Variants in ANKRD44 observed in about 807,000 individuals in gnomAD.
The protein encoded by ANKRD44 is ankyrin repeat domain 44, also known as serine/threonine-protein phosphatase 6 regulatory ankyrin repeat subunit B.
ANKRD44 carries 35 observed loss-of-function variants against 116.0 expected under a neutral mutation model. That is an observed-to-expected ratio of 0.30 (90% CI 0.23 to 0.40). The LOEUF is 0.40. Ranked by LOEUF, ANKRD44 falls within the 10% of genes least tolerant of loss-of-function variation. The probability of loss-of-function intolerance (pLI) is 1.00; values close to 1 mark genes in which losing one functional copy is unlikely to be tolerated. For synonymous variants in ANKRD44, 435 were observed against 461.8 expected (o/e 0.94, Z 0.74); for missense variants, 1,014 against 1,242.6 (o/e 0.82, Z 2.77).
chr2:197,253,322 A>G (rs548825432), intron 1 of ANKRD44, among the ~76,000 whole-genome samples: 2 of 152,304 alleles, frequency 1.3e-5, no homozygotes, highest in African/African-American at 4.8e-5. Flanking sequence ...GACTGACATT[A>G]TCTCAGTCAT....
intron 1 of ANKRD44, among the ~76,000 whole-genome samples, chr2:197,197,178 T>G (rs1406020171): frequency 1.3e-5 from 2 of 152,136 alleles, no homozygotes; most frequent in African/African-American, 4.8e-5. Context: ...GGAAGCATCT[T>G]CTCATTTCCC....
rs2084235510 is a variant in ANKRD44, at chr2:197,310,750, C to T, written c.-146G>A. 2.6e-6 allele frequency: 2 copies of T among 776,808 alleles called. No homozygotes were observed. The highest frequency in any genetic ancestry group is 3.4e-6 in the Non-Finnish European group (2 of 594,354). 48.1% of individuals were successfully genotyped at this position (776,808 alleles called of 1,614,324 possible). A position where few individuals can be genotyped will look rare whatever the true frequency, so the allele number is the denominator to read the frequency against. The stretch of plus-strand genomic sequence containing the variant: ...AGCCCTCCCCCTGCTCCTCCTCCGC[C>T]GCCGCCTCCTCCCGCCGAGAGGCTG... On this transcript the variant is annotated 5_prime_UTR_variant, in exon 1 of 28. Coordinates refer to ENST00000282272, the MANE Select transcript of ANKRD44 (RefSeq NM_001195144.2).
intron 17 of ANKRD44, chr2:197,015,742 G>T (rs2076379433): frequency 3.7e-6 from 2 of 538,948 alleles, no homozygotes; most frequent in East Asian, 3.5e-5. Flanking sequence ...TAGTGGTAGA[G>T]GGGGCTATGG....
At chr2:197,198,391 A>G (rs1478443925) in intron 1 of ANKRD44, among the ~76,000 whole-genome samples, 2 of 152,190 alleles carry the variant, frequency 1.3e-5, no homozygotes, top group South Asian at 2.1e-4. Context: ...CTGGAGTGTC[A>G]TAACAAGTTA....
chr2:197,047,949 C>T (rs1364697220), intron 16 of ANKRD44, among the ~76,000 whole-genome samples: 2 of 151,284 alleles, frequency 1.3e-5, no homozygotes, highest in Admixed American at 1.3e-4. Context: ...TTTTTGAATA[C>T]CTATAACAAA....
intron 1 of ANKRD44, among the ~76,000 whole-genome samples, chr2:197,270,712 G>A (rs1348637886): frequency 2.6e-5 from 4 of 152,210 alleles, no homozygotes; most frequent in Admixed American, 1.3e-4. Flanking sequence ...AGCTGGAGAC[G>A]AGGAAGCTGT....
At chr2:197,022,366 A>C (rs982768759) in intron 17 of ANKRD44, among the ~76,000 whole-genome samples, 1 of 152,226 alleles carries the variant, frequency 6.6e-6, no homozygotes, top group Non-Finnish European at 1.5e-5. Flanking sequence ...TTGACTCAAC[A>C]TAGAAACTAA....
At chr2:197,227,409 G>T (rs900755983) in intron 1 of ANKRD44, among the ~76,000 whole-genome samples, 1 of 152,166 alleles carries the variant, frequency 6.6e-6, no homozygotes, top group Non-Finnish European at 1.5e-5. Flanking sequence ...TGCATCGCTG[G>T]CCCCTTCCCA....
intron 1 of ANKRD44, among the ~76,000 whole-genome samples, chr2:197,206,455 G>A (rs1185737202): frequency 9.2e-5 from 14 of 152,150 alleles, no homozygotes. Flanking sequence ...AGGTAGAGGT[G>A]GGCGGATCAC....
intron 21 of ANKRD44, among the ~76,000 whole-genome samples, chr2:196,971,040 G>A (rs1329916679): frequency 3.3e-5 from 5 of 152,022 alleles, no homozygotes; most frequent in African/African-American, 1.2e-4. Flanking sequence ...TATAGCCCTT[G>A]TCCATAGGCA....
chr2:197,256,779 T>C (rs1393570501), intron 1 of ANKRD44, among the ~76,000 whole-genome samples: 4 of 152,194 alleles, frequency 2.6e-5, no homozygotes, highest in African/African-American at 9.7e-5. Flanking sequence ...AAGAGGCTCG[T>C]ATCCTAAGCT....
intron 2 of ANKRD44, among the ~76,000 whole-genome samples, chr2:197,157,724 T>C (rs1372190788): frequency 2.1e-5 from 3 of 140,820 alleles, no homozygotes; most frequent in Non-Finnish European, 4.6e-5. Flanking sequence ...CTCTTCAAAA[T>C]CTCTTAGGTT....
chr2:197,275,428 CAAAA>C lies in ANKRD44; in HGVS notation c.27+35146_27+35149del, dbSNP rs527811437. On this transcript the variant is annotated intron_variant, in intron 1 of 27. Transcript: ENST00000282272. Reference sequence around the variant, plus strand: ...CTGTGCCCAGGTGACCCAGTCTCTTCAAAAAAAAAAAAAAAAAAAAAATACAACA... The same window carrying C: ...CTGTGCCCAGGTGACCCAGTCTCTTCAAAAAAAAAAAAAAAAAATACAACA... Among the ~76,000 whole-genome samples the C allele has an allele frequency of 8.8e-3, 859 of 97,256 alleles. 16 individuals are homozygous for C. The highest frequency in any genetic ancestry group is 0.031 in the African/African-American group (820 of 26,410). 63.8% of individuals were successfully genotyped at this position (97,256 alleles called of 152,430 possible). A position where few individuals can be genotyped will look rare whatever the true frequency, so the allele number is the denominator to read the frequency against.
At chr2:197,027,862 A>AT (rs557917601) in intron 16 of ANKRD44, among the ~76,000 whole-genome samples, 43 of 151,476 alleles carry the variant, frequency 2.8e-4, no homozygotes, top group African/African-American at 8.0e-4. Flanking sequence ...TTTAAAAAAA[A>AT]TTTTTTTGGT....
chr2:197,288,726 A>C (rs990353726), intron 1 of ANKRD44, among the ~76,000 whole-genome samples: 5 of 152,202 alleles, frequency 3.3e-5, no homozygotes, highest in Admixed American at 6.5e-5. Context: ...CGTAAAAAAC[A>C]ATGAAATCAT....
At chr2:197,211,207 C>G (rs567606579) in intron 1 of ANKRD44, among the ~76,000 whole-genome samples, 1 of 152,188 alleles carries the variant, frequency 6.6e-6, no homozygotes, top group Non-Finnish European at 1.5e-5. Flanking sequence ...CACCAGCACA[C>G]GTGGGCAGGG....
At chr2:197,154,090 T>C (rs1451575767) in intron 2 of ANKRD44, among the ~76,000 whole-genome samples, 3 of 152,004 alleles carry the variant, frequency 2.0e-5, no homozygotes, top group East Asian at 1.9e-4. Flanking sequence ...AAAGTATTAA[T>C]AGTTTTACTA....
At chr2:197,280,313 A>G (rs2083226524) in intron 1 of ANKRD44, among the ~76,000 whole-genome samples, 1 of 152,212 alleles carries the variant, frequency 6.6e-6, no homozygotes, top group Admixed American at 6.5e-5. Flanking sequence ...ACCAGAAACA[A>G]CAAAGAAAGC....
chr2:197,253,521 A>G (rs978706049), intron 1 of ANKRD44, among the ~76,000 whole-genome samples: 1 of 152,210 alleles, frequency 6.6e-6, no homozygotes, highest in Admixed American at 6.5e-5. Context: ...TGATTTCTGC[A>G]TTATTCTACT....
Sources: allele counts gnomAD v4.1 joint callset (sites outside exome capture counted in the v4.1 genomes callset), GRCh38; gene constraint gnomAD v4.1.1; transcripts MANE v1.5; gene names NCBI Gene and HGNC (gene_info 2026-07-23, HGNC 2026-07-21).